Variants in PTPRD observed in about 807,000 individuals in gnomAD.
The protein encoded by PTPRD is receptor-type tyrosine-protein phosphatase delta.
In PTPRD, 34 loss-of-function variants were observed where a neutral mutation model predicts 214.5. The ratio of observed to expected loss-of-function variants is 0.16; its 90% CI spans 0.12 to 0.21. PTPRD has a LOEUF of 0.21. Among genes scored for constraint, PTPRD ranks in the 10% least tolerant of loss-of-function variants. The pLI, the probability that PTPRD is intolerant of heterozygous loss-of-function variation, is 1.00. For synonymous variants in PTPRD, 1,128 were observed against 845.7 expected (o/e 1.33, Z -5.79); for missense variants, 2,545 against 2,398.7 (o/e 1.06, Z -1.27).
At chr9:10,217,916 T>G (rs2099549057) in intron 3 of PTPRD, among the ~76,000 whole-genome samples, 1 of 151,904 alleles carries the variant, frequency 6.6e-6, no homozygotes, top group South Asian at 2.1e-4. Flanking sequence ...GCAACGGGTT[T>G]GAAAACCTGA....
At chr9:9,430,152 C>T (rs1033983311) in intron 8 of PTPRD, among the ~76,000 whole-genome samples, 1 of 152,098 alleles carries the variant, frequency 6.6e-6, no homozygotes, top group Non-Finnish European at 1.5e-5. Context: ...TCTAGATAAC[C>T]CCACTGTCTC....
At chr9:10,553,626 A>G (rs1364880034) in intron 2 of PTPRD, among the ~76,000 whole-genome samples, 1 of 152,124 alleles carries the variant, frequency 6.6e-6, no homozygotes, top group African/African-American at 2.4e-5. Flanking sequence ...TTACTTGTCA[A>G]TATATTTTAG....
At chr9:9,411,574 A>G (rs535585705) in intron 8 of PTPRD, among the ~76,000 whole-genome samples, 1 of 152,196 alleles carries the variant, frequency 6.6e-6, no homozygotes, top group Non-Finnish European at 1.5e-5. Context: ...AAGTGGAAAT[A>G]GCCTTTTGCT....
intron 10 of PTPRD, among the ~76,000 whole-genome samples, chr9:9,057,631 C>A (rs1056340905): frequency 6.6e-6 from 1 of 151,436 alleles, no homozygotes; most frequent in East Asian, 1.9e-4. Flanking sequence ...AATAATTTCT[C>A]GTAAAGTACA....
chr9:10,469,016 T>G (rs565014166), intron 2 of PTPRD, among the ~76,000 whole-genome samples: 3 of 152,178 alleles, frequency 2.0e-5, no homozygotes, highest in Non-Finnish European at 4.4e-5. Context: ...CCAAAACCTA[T>G]AGTAAATAAC....
At chr9:10,211,840 A>G (rs530753358) in intron 3 of PTPRD, among the ~76,000 whole-genome samples, 1 of 152,232 alleles carries the variant, frequency 6.6e-6, no homozygotes, top group African/African-American at 2.4e-5. Context: ...GAAATTACTT[A>G]ACAGGTACAA....
intron 5 of PTPRD, among the ~76,000 whole-genome samples, chr9:9,934,171 A>G (rs909392657): frequency 4.0e-5 from 6 of 148,754 alleles, no homozygotes; most frequent in African/African-American, 1.5e-4. Flanking sequence ...TAAAAGAACT[A>G]GAAAAGCAAG....
chr9:8,455,448 C>T (rs574722350), intron 33 of PTPRD, among the ~76,000 whole-genome samples: 48 of 152,176 alleles, frequency 3.2e-4, no homozygotes, highest in African/African-American at 1.1e-3. Context: ...TTCCTGAAAA[C>T]AATTAATCTA....
At chr9:10,414,524 G>A (rs898283719) in intron 2 of PTPRD, among the ~76,000 whole-genome samples, 1 of 151,918 alleles carries the variant, frequency 6.6e-6, no homozygotes, top group South Asian at 2.1e-4. Flanking sequence ...GTGGAAAGCA[G>A]CGTGGCAATT....
At chr9:8,483,577 C>A (rs1591665497) in intron 30 of PTPRD, among the ~76,000 whole-genome samples, 1 of 152,050 alleles carries the variant, frequency 6.6e-6, no homozygotes, top group Non-Finnish European at 1.5e-5. Flanking sequence ...ACGGTGAAAC[C>A]CGGTCTCTAC....
chr9:9,981,662 C>A (rs372315572), intron 4 of PTPRD, among the ~76,000 whole-genome samples: 1 of 151,912 alleles, frequency 6.6e-6, no homozygotes, highest in East Asian at 1.9e-4. Context: ...GTCTGGCCAA[C>A]GATTCTACAT....
chr9:10,587,241 G>A (rs749792742), intron 2 of PTPRD, among the ~76,000 whole-genome samples: 12 of 151,984 alleles, frequency 7.9e-5, no homozygotes, highest in South Asian at 2.1e-4. Context: ...GGCATCTGCC[G>A]CCCTGCCTCC....
intron 7 of PTPRD, among the ~76,000 whole-genome samples, chr9:9,711,208 C>T (rs937998076): frequency 3.3e-5 from 5 of 152,124 alleles, no homozygotes; most frequent in South Asian, 2.1e-4. Flanking sequence ...GATTTAAGTG[C>T]TTGAATCTTT....
At chr9:9,109,484 G>A (rs185244983) in intron 10 of PTPRD, among the ~76,000 whole-genome samples, 14 of 152,132 alleles carry the variant, frequency 9.2e-5, no homozygotes, top group African/African-American at 3.4e-4. Flanking sequence ...CTCAGCAGTA[G>A]TTGTGAGGAT....
At chr9:9,221,229 A>G (rs2133360510) in intron 9 of PTPRD, among the ~76,000 whole-genome samples, 1 of 152,242 alleles carries the variant, frequency 6.6e-6, no homozygotes, top group African/African-American at 2.4e-5. Context: ...TGAGAAAAGC[A>G]TCATCTTTCT....
intron 11 of PTPRD, among the ~76,000 whole-genome samples, chr9:8,783,107 C>T (rs1248189295): frequency 6.6e-6 from 1 of 152,118 alleles, no homozygotes. Context: ...AGCATATCAA[C>T]ATGACCAGAA....
intron 11 of PTPRD, among the ~76,000 whole-genome samples, chr9:8,839,006 C>A (rs2097501299): frequency 6.6e-6 from 1 of 151,898 alleles, no homozygotes; most frequent in African/African-American, 2.4e-5. Flanking sequence ...ATAAATGTAC[C>A]AAGACATTTT....
intron 3 of PTPRD, among the ~76,000 whole-genome samples, chr9:10,314,473 T>C (rs550306319): frequency 9.9e-5 from 15 of 152,000 alleles, no homozygotes; most frequent in Middle Eastern, 6.8e-3. Flanking sequence ...GAGTAGGCAG[T>C]GGACGATGAG....
At chr9:9,952,634 A>G (rs965674757) in intron 4 of PTPRD, among the ~76,000 whole-genome samples, 2 of 152,104 alleles carry the variant, frequency 1.3e-5, no homozygotes, top group Admixed American at 1.3e-4. Flanking sequence ...CTATATATAT[A>G]ATAACTATTC....
Sources: allele counts gnomAD v4.1 joint callset (sites outside exome capture counted in the v4.1 genomes callset), GRCh38; gene constraint gnomAD v4.1.1; transcripts MANE v1.5; gene names NCBI Gene and HGNC (gene_info 2026-07-23, HGNC 2026-07-21).